The following TTBK2 variants were observed in gnomAD, a reference collection of about 807,000 sequenced individuals.
TTBK2 encodes tau tubulin kinase 2, also known as tau-tubulin kinase 2.
A neutral mutation model predicts 110.8 loss-of-function variants in TTBK2; 28 were observed. That is an observed-to-expected ratio of 0.25 (90% confidence interval 0.19 to 0.35). The LOEUF is 0.35. TTBK2 is among the 10% of genes least tolerant of loss of function. The probability of loss-of-function intolerance (pLI) is 1.00; values close to 1 mark genes in which losing one functional copy is unlikely to be tolerated. For synonymous variants in TTBK2, 532 were observed against 527.3 expected, an observed-to-expected ratio of 1.01 and a Z score of -0.12; for missense variants, 1,369 against 1,500.3, an observed-to-expected ratio of 0.91 and a Z score of 1.45.
intron 4 of TTBK2, among the ~76,000 whole-genome samples, chr15:42,831,448 C>T (rs1291906136): frequency 2.0e-5 from 3 of 152,054 alleles, no homozygotes; most frequent in Non-Finnish European, 4.4e-5. Context: ...CATTATATGA[C>T]AAACATTCAA....
intron 9 of TTBK2, among the ~76,000 whole-genome samples, chr15:42,796,465 G>T (rs1890949646): frequency 6.6e-6 from 1 of 152,080 alleles, no homozygotes; most frequent in Admixed American, 6.6e-5. Context: ...TATTGAGGAA[G>T]AATAGAGAGC....
chr15:42,817,171 G>T, intron 6 of TTBK2, 74 bp from the exon 7 acceptor site: 2 of 1,224,278 alleles, frequency 1.6e-6, no homozygotes, highest in East Asian at 3.0e-5. Context: ...GAACCATGAA[G>T]TAAATGGAAG....
intron 6 of TTBK2, among the ~76,000 whole-genome samples, chr15:42,821,725 C>T (rs1892312044): frequency 7.0e-6 from 1 of 143,862 alleles, no homozygotes; most frequent in Non-Finnish European, 1.5e-5. Context: ...GAGTCTCACT[C>T]TGTCTCCAGG....
Position 42,813,139 on chromosome 15 carries a change from C to A in TTBK2, c.604-1359G>T, listed in dbSNP as rs1247826246. Among the ~76,000 whole-genome samples, 5 of 152,006 alleles carry A rather than the reference C, an allele frequency of 3.3e-5. No homozygotes were observed. The South Asian group carries it at 1.0e-3, about 31-fold the overall frequency. ...TTTGGTTAGGAAACACATCAAATCCCAAACAGATAAATATTTAAAAACCCA... is the reference window on the plus strand; with the variant it reads ...TTTGGTTAGGAAACACATCAAATCCAAAACAGATAAATATTTAAAAACCCA... On this transcript the variant is annotated intron_variant, in intron 7 of 14. Coordinates refer to ENST00000267890, the MANE Select transcript of TTBK2 (RefSeq NM_173500.4).
chr15:42,889,409 C>T (rs1468474361), intron 1 of TTBK2, among the ~76,000 whole-genome samples: 3 of 152,194 alleles, frequency 2.0e-5, no homozygotes, highest in African/African-American at 4.8e-5. Flanking sequence ...CACCTCTATA[C>T]AGTCCAATAA....
chr15:42,862,670 C>T (rs1219473978), intron 3 of TTBK2, among the ~76,000 whole-genome samples: 1 of 152,102 alleles, frequency 6.6e-6, no homozygotes, highest in Non-Finnish European at 1.5e-5. Context: ...AGGCAGATGA[C>T]CTGAAGTCGG....
At chr15:42,751,888 C>A (rs557444305) in intron 14 of TTBK2, 86 bp downstream of exon 14, 1 of 1,496,542 alleles carries the variant, frequency 6.7e-7, no homozygotes, top group Non-Finnish European at 9.3e-7. Context: ...GGGGGCAACA[C>A]AGAAATGTTG....
intron 1 of TTBK2, among the ~76,000 whole-genome samples, chr15:42,907,788 T>G (rs1307634183): frequency 6.6e-6 from 1 of 152,026 alleles, no homozygotes; most frequent in Non-Finnish European, 1.5e-5. Flanking sequence ...TAAAAAATTT[T>G]TTTGGCTGGG....
chr15:42,755,011 GAAAAAA>G (rs71431863), intron 13 of TTBK2, among the ~76,000 whole-genome samples: 876 of 69,834 alleles, frequency 0.013, 6 homozygotes, highest in Middle Eastern at 0.043. Flanking sequence ...TCCATCTCAG[GAAAAAA>G]AAAAAAAAAA....
At chr15:42,838,769 C>A (rs1001014971) in intron 4 of TTBK2, among the ~76,000 whole-genome samples, 1 of 151,834 alleles carries the variant, frequency 6.6e-6, no homozygotes, top group African/African-American at 2.4e-5. Flanking sequence ...TGAGCCAAGA[C>A]TGCACTACTA....
intron 1 of TTBK2, among the ~76,000 whole-genome samples, chr15:42,903,562 A>C (rs2030195058): frequency 2.0e-5 from 3 of 152,210 alleles, no homozygotes; most frequent in Admixed American, 2.0e-4. Flanking sequence ...TCATGTGACA[A>C]ATGGGTGGAG....
intron 1 of TTBK2, among the ~76,000 whole-genome samples, chr15:42,879,077 C>T (rs1054155111): frequency 3.9e-5 from 6 of 152,078 alleles, no homozygotes; most frequent in African/African-American, 1.4e-4. Context: ...AGCTTAATAT[C>T]ATTAGAGCTA....
At chr15:42,788,115 T>A (rs1390482846) in intron 10 of TTBK2, among the ~76,000 whole-genome samples, 1 of 152,052 alleles carries the variant, frequency 6.6e-6, no homozygotes, top group Non-Finnish European at 1.5e-5. Context: ...AGGACCACTG[T>A]CATATATGCG....
chr15:42,797,355 C>T (rs997710424), intron 9 of TTBK2, among the ~76,000 whole-genome samples: 1 of 152,198 alleles, frequency 6.6e-6, no homozygotes, highest in African/African-American at 2.4e-5. Context: ...TTCTATGGCA[C>T]TGGACCTCAA....
rs547204748 is a variant in TTBK2, at chr15:42,802,895, A to C, written c.822+7719T>G. Among the ~76,000 whole-genome samples, 4 of 152,294 alleles carry C rather than the reference A, an allele frequency of 2.6e-5. No homozygotes were observed. In the South Asian group the frequency reaches 8.3e-4, roughly 32 times the overall value. On this transcript the variant is annotated intron_variant, in intron 9 of 14. Coordinates refer to ENST00000267890, the MANE Select transcript of TTBK2 (RefSeq NM_173500.4). Reference sequence around the variant, plus strand: ...ATCTAATCAGATGCCAGTGAATATAAAGCAGGCAGAAAAATGTGAAAAGGT... The same window carrying C: ...ATCTAATCAGATGCCAGTGAATATACAGCAGGCAGAAAAATGTGAAAAGGT...
chr15:42,776,818 T>A (rs1889944831), intron 12 of TTBK2: 1 of 608,618 alleles, frequency 1.6e-6, no homozygotes, highest in South Asian at 2.2e-5. Flanking sequence ...CCAAAGGACA[T>A]GCTATAGAAT....
At position 42,849,966 on chromosome 15, in the gene TTBK2, C is replaced by T. The variant is rs573436680; in HGVS notation, c.218-9533G>A. ...GCAGAACTCTGGGGCTTTACTAACACCACTCTGCAGAGTACTTCCCATGAC... is the reference window on the plus strand; with the variant it reads ...GCAGAACTCTGGGGCTTTACTAACATCACTCTGCAGAGTACTTCCCATGAC... On this transcript the variant is annotated intron_variant, in intron 3 of 14. Coordinates refer to ENST00000267890, the MANE Select transcript of TTBK2 (RefSeq NM_173500.4). 2.0e-5 allele frequency among the ~76,000 whole-genome samples: 3 copies of T among 152,232 alleles called. No homozygotes were observed. The South Asian group carries it at 6.2e-4, about 32-fold the overall frequency.
intron 6 of TTBK2, among the ~76,000 whole-genome samples, chr15:42,826,263 T>A (rs977585188): frequency 6.6e-6 from 1 of 152,084 alleles, no homozygotes; most frequent in Non-Finnish European, 1.5e-5. Context: ...TTATTTTTTA[T>A]TTTAGATTTA....
intron 3 of TTBK2, among the ~76,000 whole-genome samples, chr15:42,855,968 C>T (rs1048364815): frequency 2.0e-5 from 3 of 152,190 alleles, no homozygotes; most frequent in South Asian, 2.1e-4. Flanking sequence ...AGGCGTGAGC[C>T]ACCATGCCCA....
Sources: gnomAD v4.1 joint callset for allele counts (sites outside exome capture counted in the v4.1 genomes callset) on GRCh38, gnomAD v4.1.1 for gene constraint, MANE v1.5 for transcripts, NCBI Gene and HGNC (gene_info 2026-07-23, HGNC 2026-07-21) for gene names.